NRF1: variants seen among roughly 807,000 people sequenced by gnomAD.
The protein encoded by NRF1 is alpha palindromic-binding protein.
Under a neutral mutation model 58.5 loss-of-function variants are expected in NRF1, and 5 were observed. That is an observed-to-expected ratio of 0.09 (90% confidence interval 0.04 to 0.18). NRF1 has a LOEUF of 0.18. NRF1 is among the 10% of genes least tolerant of loss of function. The pLI is 1.00. For synonymous variants in NRF1, 224 were observed against 246.7 expected (o/e 0.91, Z 0.86); for missense variants, 288 against 657.7 (o/e 0.44, Z 6.15).
chr7:129,735,825 G>A (rs541071159), intron 10 of NRF1, among the ~76,000 whole-genome samples: 3 of 151,936 alleles, frequency 2.0e-5, no homozygotes, highest in Non-Finnish European at 2.9e-5. Context: ...TGACTAACAC[G>A]GTGAAACCCC....
chr7:129,748,274 CAA>C (rs10655886), intron 10 of NRF1, among the ~76,000 whole-genome samples: 53 of 78,076 alleles, frequency 6.8e-4, no homozygotes, highest in Admixed American at 4.8e-4. Flanking sequence ...GACTCCGTCT[CAA>C]AAAAAAAAAA....
intron 4 of NRF1, among the ~76,000 whole-genome samples, chr7:129,687,276 C>CT (rs34165257): frequency 0.12 from 15,907 of 137,714 alleles, 1,068 homozygotes; most frequent in Admixed American, 0.21. Flanking sequence ...GATGCAAGTC[C>CT]TTTTTTTTTT....
chr7:129,705,482 T>C (rs1410993062), intron 5 of NRF1, among the ~76,000 whole-genome samples: 1 of 152,072 alleles, frequency 6.6e-6, no homozygotes, highest in Non-Finnish European at 1.5e-5. Context: ...GTAAAGACGG[T>C]GTTTCACCAT....
intron 9 of NRF1, among the ~76,000 whole-genome samples, chr7:129,722,470 C>T (rs1286336005): frequency 1.3e-5 from 2 of 152,002 alleles, no homozygotes; most frequent in Non-Finnish European, 2.9e-5. Flanking sequence ...GTTAGAATCA[C>T]TCTGGAAATG....
At chr7:129,692,219 A>G (rs1562972145) in intron 5 of NRF1, among the ~76,000 whole-genome samples, 2 of 152,138 alleles carry the variant, frequency 1.3e-5, no homozygotes, top group African/African-American at 4.8e-5. Context: ...TAGCCTATCC[A>G]CTGTGGTCTG....
intron 1 of NRF1, among the ~76,000 whole-genome samples, chr7:129,626,260 T>C (rs1800917263): frequency 6.6e-6 from 1 of 152,226 alleles, no homozygotes; most frequent in African/African-American, 2.4e-5. Flanking sequence ...GTTGCACTAC[T>C]GTCAGAGTCC....
At chr7:129,727,811 G>A (rs965381549) in intron 10 of NRF1, among the ~76,000 whole-genome samples, 2 of 152,194 alleles carry the variant, frequency 1.3e-5, no homozygotes, top group African/African-American at 4.8e-5. Flanking sequence ...GGGTCAGGCA[G>A]CAGGCTGTGA....
At chr7:129,658,495 G>T (rs1801708741) in intron 2 of NRF1, among the ~76,000 whole-genome samples, 3 of 151,870 alleles carry the variant, frequency 2.0e-5, no homozygotes, top group Admixed American at 6.6e-5. Flanking sequence ...GCTGTGGTGG[G>T]ATGACTGATC....
In NRF1 at chr7:129,756,685, T is replaced by C. The variant is rs1233176582; in HGVS notation, c.*1504T>C. On this transcript the variant is annotated 3_prime_UTR_variant, in exon 11 of 11. Transcript: ENST00000393232. ...TGTGTGATGGTGTATTTAATGTGTT[T>C]TTTTAATGCGACATTAAAAGATTCT... 1 of 152,722 alleles carries C rather than the reference T, an allele frequency of 6.5e-6. No individual in the cohort carries two copies. Among genetic ancestry groups the C allele is most frequent in the Non-Finnish European group, 1.5e-5 (1 of 68,084 alleles). The allele number at this position is 152,722 out of a possible 1,614,324, so 9.5% of individuals were successfully genotyped here. A position where few individuals can be genotyped will look rare whatever the true frequency, so the allele number is the denominator to read the frequency against.
chr7:129,650,996 C>A (rs917970607), intron 1 of NRF1, among the ~76,000 whole-genome samples: 2 of 152,178 alleles, frequency 1.3e-5, no homozygotes, highest in Non-Finnish European at 2.9e-5. Flanking sequence ...TCAGTCATAT[C>A]TGGCATTAAC....
At chr7:129,719,073 C>T (rs1393841337) in intron 9 of NRF1, among the ~76,000 whole-genome samples, 1 of 151,650 alleles carries the variant, frequency 6.6e-6, no homozygotes, top group Non-Finnish European at 1.5e-5. Context: ...GGAAGAGGCA[C>T]TCCAGGAGCG....
At chr7:129,630,671 A>AT (rs1217569935) in intron 1 of NRF1, among the ~76,000 whole-genome samples, 1 of 152,204 alleles carries the variant, frequency 6.6e-6, no homozygotes, top group African/African-American at 2.4e-5. Flanking sequence ...TTTGTTTTCT[A>AT]TAAATCCTGA....
chr7:129,734,838 G>A (rs1803669296), intron 10 of NRF1, among the ~76,000 whole-genome samples: 1 of 152,208 alleles, frequency 6.6e-6, no homozygotes, highest in African/African-American at 2.4e-5. Context: ...AGGAACCCCA[G>A]CAGACGAGTT....
intron 5 of NRF1, among the ~76,000 whole-genome samples, chr7:129,700,063 C>T (rs1802785216): frequency 6.6e-6 from 1 of 151,404 alleles, no homozygotes; most frequent in South Asian, 2.1e-4. Context: ...ATCGCTTGAA[C>T]CTAGGAGGTG....
At chr7:129,735,156 C>T (rs1474175717) in intron 10 of NRF1, 2 of 985,310 alleles carry the variant, frequency 2.0e-6, no homozygotes, top group Non-Finnish European at 2.4e-6. Flanking sequence ...CAGAAACCAC[C>T]TATGCTGCCC....
chr7:129,643,393 T>C (rs1173093942), intron 1 of NRF1, among the ~76,000 whole-genome samples: 1 of 152,186 alleles, frequency 6.6e-6, no homozygotes, highest in Non-Finnish European at 1.5e-5. Context: ...GGGGCGGGAC[T>C]TGTGGCAATT....
intron 1 of NRF1, among the ~76,000 whole-genome samples, chr7:129,656,468 A>T (rs1416783848): frequency 6.6e-6 from 1 of 151,794 alleles, no homozygotes; most frequent in Non-Finnish European, 1.5e-5. Context: ...GGGAGTGGAG[A>T]TTATAAGTGT....
intron 8 of NRF1, among the ~76,000 whole-genome samples, chr7:129,714,777 A>C (rs2116209887): frequency 6.6e-6 from 1 of 152,344 alleles, no homozygotes; most frequent in South Asian, 2.1e-4. Flanking sequence ...TCTGAAAAGC[A>C]TTATCATAAT....
At chr7:129,617,109 G>A (rs1485188469) in intron 1 of NRF1, among the ~76,000 whole-genome samples, 1 of 152,200 alleles carries the variant, frequency 6.6e-6, no homozygotes, top group East Asian at 1.9e-4. Flanking sequence ...GATGGCTTAA[G>A]TGGACATTTT....
Sources: allele counts gnomAD v4.1 joint callset (sites outside exome capture counted in the v4.1 genomes callset), GRCh38; gene constraint gnomAD v4.1.1; transcripts MANE v1.5; gene names NCBI Gene and HGNC (gene_info 2026-07-23, HGNC 2026-07-21).